CELSR1: variants seen among roughly 807,000 people sequenced by gnomAD.
CELSR1 encodes the protein cadherin EGF LAG seven-pass G-type receptor 1, also known as adhesion G protein-coupled receptor C1.
Under a neutral mutation model 249.1 loss-of-function variants are expected in CELSR1, and 110 were observed. That is an observed-to-expected ratio of 0.44 (90% confidence interval 0.38 to 0.52). The LOEUF is 0.52. CELSR1 is among the 20% of genes least tolerant of loss of function. CELSR1 has a pLI of 0.00. For missense variants in CELSR1, 4,109 were observed against 4,296.4 expected, an observed-to-expected ratio of 0.96 and a Z score of 1.22; for synonymous variants, 2,113 against 1,900.0, an observed-to-expected ratio of 1.11 and a Z score of -2.92.
rs554001948 is a variant in CELSR1, at chr22:46,409,939, C to T, written c.4934-59G>A. ...CGGAGGAACCGCCCGGGGTCCCCGG[C>T]GCCAGACGTGGCGTGGGAAACCAGG... On this transcript the variant is annotated intron_variant, in intron 7 of 34. Coordinates refer to ENST00000674500, the MANE Select transcript of CELSR1 (RefSeq NM_001378328.1). The surrounding 1 kb of genome is among the most constrained non-coding windows in gnomAD (Gnocchi z 9.8). The T allele has an allele frequency of 3.3e-4, 524 of 1,598,822 alleles. 1 individual carries two copies. Among genetic ancestry groups the T allele is most frequent in the Admixed American group, 4.0e-4 (24 of 59,790 alleles).
intron 12 of CELSR1, among the ~76,000 whole-genome samples, chr22:46,397,211 C>T (rs1391153431): frequency 6.6e-6 from 1 of 151,838 alleles, no homozygotes; most frequent in East Asian, 1.9e-4. Flanking sequence ...TCAAGTGATC[C>T]TCCCACCTCA....
At position 46,437,580 on chromosome 22, in the gene CELSR1, G is replaced by A. The variant is rs1444406449; in HGVS notation, c.4407-1291C>T. Among the ~76,000 whole-genome samples, 1 of 152,024 alleles carries A rather than the reference G, an allele frequency of 6.6e-6. No homozygotes were observed. Among genetic ancestry groups the A allele is most frequent in the South Asian group, 2.1e-4 (1 of 4,822 alleles). ...AGCCTGGCCAACATGGTGAAACCCC[G>A]TCTCTACTAAAAATACGAAAATTAG... is the stretch of plus-strand genomic sequence containing the variant. On this transcript the variant is annotated intron_variant, in intron 3 of 34. Coordinates refer to ENST00000674500, the MANE Select transcript of CELSR1 (RefSeq NM_001378328.1). The surrounding 1 kb of genome is among the most constrained non-coding windows in gnomAD (Gnocchi z 4.9).
rs1033880251 is a variant in CELSR1 at position 46,364,401 on chromosome 22, C to T, written c.8779+111G>A. 79 of 1,492,866 alleles carry T rather than the reference C, an allele frequency of 5.3e-5. No homozygotes were observed. In the Admixed American group the frequency reaches 1.2e-3, roughly 22 times the overall value. The allele number at this position is 1,492,866 out of a possible 1,614,324, so 92.5% of individuals were successfully genotyped here. A position where few individuals can be genotyped will look rare whatever the true frequency, so the allele number is the denominator to read the frequency against. The stretch of plus-strand genomic sequence containing the variant: ...AGGCCAGGAGGCCACGTCTGTTCTG[C>T]CCAGGCCCTGACTTGCCCCACCAGC... On this transcript the variant is annotated intron_variant, in intron 33 of 34. Coordinates refer to ENST00000674500, the MANE Select transcript of CELSR1 (RefSeq NM_001378328.1).
chr22:46,369,592 G>C, intron 26 of CELSR1, 100 bp downstream of exon 26: 1 of 1,074,232 alleles, frequency 9.3e-7, no homozygotes, highest in Non-Finnish European at 1.4e-6. Context: ...GCCCCCCGTC[G>C]GCTGCTCAGA....
rs2079551720 is a variant in CELSR1, at chr22:46,427,730, G to A, written c.4611+5663C>T. Among the ~76,000 whole-genome samples, 1 of 152,148 alleles carries A rather than the reference G, an allele frequency of 6.6e-6. No individual in the cohort carries two copies. The highest frequency in any genetic ancestry group is 2.4e-5 in the African/African-American group (1 of 41,424). ...TTTCTGTAAGTTGGATTCTGTGCGT[G>A]TAATTGGCACTCAATTAACATGGAA... On this transcript the variant is annotated intron_variant, in intron 5 of 34. Transcript: ENST00000674500. The surrounding 1 kb of genome is among the most constrained non-coding windows in gnomAD (Gnocchi z 4.2).
chr22:46,424,485 C>G (rs536545741), intron 5 of CELSR1, among the ~76,000 whole-genome samples: 1 of 152,252 alleles, frequency 6.6e-6, no homozygotes, highest in East Asian at 1.9e-4. Context: ...CAGTTTCCAT[C>G]CATGGAAACA....
intron 1 of CELSR1, among the ~76,000 whole-genome samples, chr22:46,505,034 G>A (rs1011044614): frequency 2.6e-5 from 4 of 152,072 alleles, no homozygotes; most frequent in South Asian, 2.1e-4. Flanking sequence ...AGGCCGAGGC[G>A]GGCGGATCAT....
At chr22:46,516,285 T>G (rs1055180858) in intron 1 of CELSR1, among the ~76,000 whole-genome samples, 1 of 152,060 alleles carries the variant, frequency 6.6e-6, no homozygotes, top group Non-Finnish European at 1.5e-5. Context: ...CCATAAAAAA[T>G]GATGAGTTCA....
rs6008828 is a variant in CELSR1, at chr22:46,437,682, C to T, written c.4407-1393G>A. ...AGGAGAATTGCTTGAACCTGGGAGG[C>T]GGAAGTTGCAGTGAGCCGAGATCAT... On this transcript the variant is annotated intron_variant, in intron 3 of 34. Transcript: ENST00000674500. The surrounding 1 kb of genome is among the most constrained non-coding windows in gnomAD (Gnocchi z 4.9). 0.025 allele frequency among the ~76,000 whole-genome samples: 3,708 copies of T among 149,682 alleles called. 166 individuals are homozygous for T. The highest frequency in any genetic ancestry group is 0.087 in the African/African-American group (3,515 of 40,270).
Position 46,363,128 on chromosome 22 carries a change from T to C in CELSR1, c.*95A>G. 1 of 1,613,360 alleles carries C rather than the reference T, an allele frequency of 6.2e-7. No individual in the cohort carries two copies. The highest frequency in any genetic ancestry group is 1.1e-5 in the South Asian group (1 of 91,070). On this transcript the variant is annotated 3_prime_UTR_variant, in exon 35 of 35. Transcript: ENST00000674500. This position sits in a 1 kb window ranked among gnomAD's most constrained non-coding sequence, Gnocchi z 4.3. ...CTTCAAGGGCAGTGGCCCCTTGGGC[T>C]CCAAGGTCTGAGGGTGATGCCGCAG...
chr22:46,367,626 C>A, intron 28 of CELSR1, 103 bp downstream of exon 28: 1 of 1,476,020 alleles, frequency 6.8e-7, no homozygotes, highest in African/African-American at 1.4e-5. Context: ...GGGACCCAGG[C>A]AGGGCTGGTT....
chr22:46,368,626 G>A (rs113349249), intron 27 of CELSR1, among the ~76,000 whole-genome samples: 5 of 118,200 alleles, frequency 4.2e-5, no homozygotes, highest in South Asian at 4.2e-4. Flanking sequence ...AGATGCCCCC[G>A]TCAACCCCTC....
rs564716449 is a variant in CELSR1, at chr22:46,361,484, G to A, written c.*1739C>T. 1.6e-4 allele frequency: 24 copies of A among 152,392 alleles called. No homozygotes were observed. The highest frequency in any genetic ancestry group is 5.8e-4 in the African/African-American group (24 of 41,564). The allele number at this position is 152,392 out of a possible 1,614,324, so 9.4% of individuals were successfully genotyped here. Reference sequence around the variant, plus strand: ...TTAAAGTCATGAAAGGAGACTGTTCGAAGACTTAAAAACCTTTTCGTACTT... The same window carrying A: ...TTAAAGTCATGAAAGGAGACTGTTCAAAGACTTAAAAACCTTTTCGTACTT... On this transcript the variant is annotated 3_prime_UTR_variant, in exon 35 of 35. Transcript: ENST00000674500.
intron 2 of CELSR1, among the ~76,000 whole-genome samples, chr22:46,451,283 G>C (rs943694600): frequency 2.0e-5 from 3 of 152,218 alleles, no homozygotes; most frequent in Non-Finnish European, 4.4e-5. Flanking sequence ...AGCTGGGAAG[G>C]GGGAGGCCAG....
chr22:46,524,606 GC>G (rs1297358140), intron 1 of CELSR1, among the ~76,000 whole-genome samples: 1 of 151,918 alleles, frequency 6.6e-6, no homozygotes, highest in Non-Finnish European at 1.5e-5. Context: ...CTTTTTAAGA[GC>G]CCCTGGCCTT....
At chr22:46,516,149 C>T (rs1251062106) in intron 1 of CELSR1, among the ~76,000 whole-genome samples, 1 of 152,202 alleles carries the variant, frequency 6.6e-6, no homozygotes, top group Admixed American at 6.5e-5. Flanking sequence ...TATAAAGACA[C>T]ATGCACACGT....
chr22:46,443,318 C>T (rs1306285470), intron 2 of CELSR1, among the ~76,000 whole-genome samples: 5 of 152,214 alleles, frequency 3.3e-5, no homozygotes, highest in African/African-American at 1.2e-4. Context: ...CTTTCCCCTC[C>T]ACCCCAGGAG....
chr22:46,481,745 C>A (rs2147665888), intron 1 of CELSR1: 1 of 487,128 alleles, frequency 2.1e-6, no homozygotes, highest in Non-Finnish European at 3.7e-6. Context: ...TCCCCAGTGG[C>A]AACCCTGTGC....
At chr22:46,438,959 T>G (rs1054857819) in intron 3 of CELSR1, among the ~76,000 whole-genome samples, 1 of 152,154 alleles carries the variant, frequency 6.6e-6, no homozygotes, top group Non-Finnish European at 1.5e-5. Context: ...GGTTTTGCCA[T>G]GTTGACTAGG....
Sources: gnomAD v4.1 joint callset for allele counts (sites outside exome capture counted in the v4.1 genomes callset) on GRCh38, gnomAD v4.1.1 for gene constraint, Gnocchi (gnomAD v3.1) non-coding constraint, MANE v1.5 for transcripts, NCBI Gene and HGNC (gene_info 2026-07-23, HGNC 2026-07-21) for gene names.